Variants in ATG3 observed in about 807,000 individuals in gnomAD.
The protein encoded by ATG3 is ubiquitin-like-conjugating enzyme ATG3.
In ATG3, 25 loss-of-function variants were observed where a neutral mutation model predicts 50.7. The observed-to-expected ratio is 0.49, with a 90% CI of 0.36 to 0.69. The LOEUF is 0.69. Ranked by LOEUF, ATG3 falls within the 30% of genes least tolerant of loss-of-function variation. The pLI is 0.00. For missense variants in ATG3, 281 were observed against 376.0 expected (o/e 0.75, Z 2.09); for synonymous variants, 119 against 125.5 (o/e 0.95, Z 0.34).
intron 6 of ATG3, among the ~76,000 whole-genome samples, chr3:112,543,111 A>C (rs1204872073): frequency 2.0e-5 from 3 of 152,098 alleles, no homozygotes; most frequent in South Asian, 2.1e-4. Flanking sequence ...CCCAGTAACA[A>C]ATCTAGAAAG....
At chr3:112,533,833 A>G (rs1012263205) in intron 11 of ATG3, 46 of 987,276 alleles carry the variant, frequency 4.7e-5, no homozygotes, top group Non-Finnish European at 5.3e-5. Flanking sequence ...TATTTTAAGA[A>G]TATCTAAAGC....
At chr3:112,534,943 CCTAATAGGTATT>C (rs1446701523) in intron 10 of ATG3, 1 of 151,854 alleles carries the variant, frequency 6.6e-6, no homozygotes, top group Non-Finnish European at 1.5e-5. Context: ...GTTTCTTTGT[CCTAATAGGTATT>C]CTAAAATTTA....
At chr3:112,550,697 AAC>A (rs1933504491) in intron 3 of ATG3, among the ~76,000 whole-genome samples, 1 of 152,222 alleles carries the variant, frequency 6.6e-6, no homozygotes, top group Admixed American at 6.5e-5. Context: ...GACATTATGT[AAC>A]ACTGTAGGTG....
intron 2 of ATG3, among the ~76,000 whole-genome samples, chr3:112,556,613 A>G (rs1202315979): frequency 2.0e-5 from 3 of 152,226 alleles, no homozygotes; most frequent in African/African-American, 7.2e-5. Context: ...AGATTGAGAA[A>G]TCGGATGGTT....
intron 9 of ATG3, 22 bp from the exon 10 acceptor site, chr3:112,536,624 T>C (rs1488002375): frequency 1.2e-6 from 2 of 1,613,194 alleles, no homozygotes; most frequent in Admixed American, 3.3e-5. Flanking sequence ...AAAAATGCTT[T>C]GAAATTACTA....
intron 10 of ATG3, chr3:112,535,110 T>C (rs1413427356): frequency 6.6e-6 from 1 of 152,158 alleles, no homozygotes; most frequent in Non-Finnish European, 1.5e-5. Context: ...AAAGTTAGTA[T>C]CTAGGCACAG....
chr3:112,557,452 T>C (rs1287480776), intron 2 of ATG3, among the ~76,000 whole-genome samples: 1 of 152,180 alleles, frequency 6.6e-6, no homozygotes, highest in African/African-American at 2.4e-5. Flanking sequence ...ACCCCATCTC[T>C]ACTAAAAGTA....
intron 9 of ATG3, 155 bp from the exon 10 acceptor site, chr3:112,536,757 T>G (rs1933063046): frequency 3.0e-6 from 2 of 660,324 alleles, no homozygotes; most frequent in South Asian, 2.2e-5. Flanking sequence ...CCGTCTCTAC[T>G]AAGAATATAA....
At chr3:112,539,016 G>C (rs1286239359) in intron 7 of ATG3, among the ~76,000 whole-genome samples, 1 of 152,134 alleles carries the variant, frequency 6.6e-6, no homozygotes, top group African/African-American at 2.4e-5. Flanking sequence ...TGTCACATAT[G>C]ACATCCAATC....
intron 8 of ATG3, 54 bp from the exon 9 acceptor site, chr3:112,537,944 C>T (rs1933118009): frequency 6.7e-7 from 1 of 1,485,664 alleles, no homozygotes; most frequent in African/African-American, 1.4e-5. Flanking sequence ...ATGAATGTGA[C>T]ATTCTAGAAA....
chr3:112,546,784 C>T (rs1933381700), intron 5 of ATG3, among the ~76,000 whole-genome samples: 1 of 152,154 alleles, frequency 6.6e-6, no homozygotes, highest in South Asian at 2.1e-4. Context: ...CCAACATCTT[C>T]CAGGCATGGA....
intron 1 of ATG3, among the ~76,000 whole-genome samples, 176 bp from the exon 2 acceptor site, chr3:112,558,593 GTATCTATCTA>G (rs1329711960): frequency 6.6e-6 from 1 of 151,894 alleles, no homozygotes; most frequent in East Asian, 1.9e-4. Flanking sequence ...TACCTCATTG[GTATCTATCTA>G]TATCTATCTA....
intron 5 of ATG3, among the ~76,000 whole-genome samples, chr3:112,544,658 G>GAAA (rs576984897): frequency 4.7e-5 from 3 of 64,100 alleles, no homozygotes; most frequent in Non-Finnish European, 6.9e-5. Flanking sequence ...CCGTCTCAGG[G>GAAA]AAAAAAAAAA....
At chr3:112,548,503 T>G (rs748048804) in intron 5 of ATG3, 30 bp downstream of exon 5, 1 of 1,536,872 alleles carries the variant, frequency 6.5e-7, no homozygotes, top group Non-Finnish European at 9.0e-7. Context: ...TAATTTAAAC[T>G]AAATATATGT....
At chr3:112,539,946 T>C (rs764562690) in intron 7 of ATG3, among the ~76,000 whole-genome samples, 12 of 152,220 alleles carry the variant, frequency 7.9e-5, no homozygotes, top group Non-Finnish European at 1.5e-4. Flanking sequence ...TGGTCAACTA[T>C]GTCATTCAGA....
chr3:112,558,225 G>T (rs550737762), intron 2 of ATG3, 151 bp downstream of exon 2: 1 of 589,748 alleles, frequency 1.7e-6, no homozygotes, highest in African/African-American at 1.9e-5. Context: ...TTCTTCTATG[G>T]GAAGTAGAAA....
chr3:112,552,687 T>C (rs1933561174), intron 3 of ATG3, among the ~76,000 whole-genome samples: 1 of 151,000 alleles, frequency 6.6e-6, no homozygotes, highest in South Asian at 2.1e-4. Flanking sequence ...TCTCACTCTG[T>C]TGCCCAGGCT....
intron 11 of ATG3, 67 bp downstream of exon 11, chr3:112,534,202 T>C (rs1463959998): frequency 1.3e-6 from 2 of 1,507,470 alleles, no homozygotes; most frequent in Non-Finnish European, 1.8e-6. Flanking sequence ...AAGGTTACAC[T>C]AAATTTCTCA....
chr3:112,557,329 G>T (rs1331583716), intron 2 of ATG3, among the ~76,000 whole-genome samples: 1 of 150,270 alleles, frequency 6.7e-6, no homozygotes, highest in Non-Finnish European at 1.5e-5. Flanking sequence ...GCCCAGCACA[G>T]AAACCATTCT....
Sources: gnomAD v4.1 joint callset for allele counts (sites outside exome capture counted in the v4.1 genomes callset) on GRCh38, gnomAD v4.1.1 for gene constraint, MANE v1.5 for transcripts, NCBI Gene and HGNC (gene_info 2026-07-23, HGNC 2026-07-21) for gene names.